Variants in KIDINS220 observed in about 807,000 individuals in gnomAD.
KIDINS220 encodes kinase D-interacting substrate of 220 kDa.
In KIDINS220, 63 loss-of-function variants were observed where a neutral mutation model predicts 157.6. The ratio of observed to expected loss-of-function variants is 0.40; its 90% CI spans 0.33 to 0.49. The LOEUF (loss-of-function observed/expected upper bound fraction) is 0.49, where lower values mean the gene tolerates loss of function less well. Among genes scored for constraint, KIDINS220 ranks in the 20% least tolerant of loss-of-function variants. The pLI is 0.66. For synonymous variants in KIDINS220, 732 were observed against 783.6 expected, an observed-to-expected ratio of 0.93 and a Z score of 1.10; for missense variants, 1,772 against 2,171.2, an observed-to-expected ratio of 0.82 and a Z score of 3.65.
rs563082756 is a variant in KIDINS220 at position 8,730,321 on chromosome 2, G to A, written c.*399C>T. ...TTGCTTCTGCTTCACCTAACGCCAC[G>A]TCTTCCCTCAAATGTGTGGTCACCA... On this transcript the variant is annotated 3_prime_UTR_variant, in exon 30 of 30. Coordinates refer to ENST00000256707, the MANE Select transcript of KIDINS220 (RefSeq NM_020738.4). The A allele has an allele frequency of 1.9e-4, 189 of 1,004,982 alleles. 3 individuals carry two copies. In the South Asian group the frequency reaches 5.7e-3, roughly 30 times the overall value. The allele number at this position is 1,004,982 out of a possible 1,614,324, so 62.3% of individuals were successfully genotyped here. A position where few individuals can be genotyped will look rare whatever the true frequency, so the allele number is the denominator to read the frequency against.
intron 6 of KIDINS220, among the ~76,000 whole-genome samples, chr2:8,811,143 A>C (rs1317164787): frequency 6.6e-6 from 1 of 152,238 alleles, no homozygotes; most frequent in African/African-American, 2.4e-5. Context: ...ATTTATGCAC[A>C]GAATCTATTT....
intron 26 of KIDINS220, among the ~76,000 whole-genome samples, chr2:8,745,267 G>C (rs1420494337): frequency 2.0e-5 from 3 of 152,136 alleles, no homozygotes; most frequent in African/African-American, 7.2e-5. Context: ...GTATGTTAAA[G>C]GCTCTCTGAC....
At chr2:8,827,885 T>C (rs1046349139) in intron 1 of KIDINS220, among the ~76,000 whole-genome samples, 43 of 152,196 alleles carry the variant, frequency 2.8e-4, no homozygotes, top group Non-Finnish European at 2.9e-5. Flanking sequence ...TTAAAGCAGA[T>C]TCCTGGGCCC....
At position 8,770,776 on chromosome 2, in the gene KIDINS220, T is replaced by G. The variant is rs1032147774; in HGVS notation, c.2905A>C (p.Ile969Leu). ...SFNWDRLASW[I>L]NLTEQWPYRT... is the part of the protein sequence containing the mutation. Reference sequence around the variant, plus strand: ...TATGGCCACTGCTCAGTAAGGTTGATCCAGCTAGCAAGCCTGTCCCAGTTG... The same window carrying G: ...TATGGCCACTGCTCAGTAAGGTTGAGCCAGCTAGCAAGCCTGTCCCAGTTG... The change falls in exon 22 of 30, where the codon ATC becomes CTC. Residue 969 changes from isoleucine to leucine, a missense_variant. By Grantham distance (5) the Ile-to-Leu change is conservative. Coordinates refer to ENST00000256707, the MANE Select transcript of KIDINS220 (RefSeq NM_020738.4). 1.9e-6 allele frequency: 3 copies of G among 1,612,884 alleles called. No individual in the cohort carries two copies. The highest frequency in any genetic ancestry group is 2.5e-6 in the Non-Finnish European group (3 of 1,179,254).
chr2:8,756,142 A>C (rs1200331963), intron 22 of KIDINS220, among the ~76,000 whole-genome samples: 3 of 152,194 alleles, frequency 2.0e-5, no homozygotes. Flanking sequence ...GATCTTCTTT[A>C]AATTCTTTTA....
intron 17 of KIDINS220, among the ~76,000 whole-genome samples, chr2:8,781,939 T>C (rs2148224596): frequency 6.6e-6 from 1 of 152,020 alleles, no homozygotes; most frequent in Middle Eastern, 3.4e-3. Context: ...GTGGGGAACA[T>C]GGTGAAACCC....
At chr2:8,791,744 A>G (rs1361545414) in intron 12 of KIDINS220, among the ~76,000 whole-genome samples, 1 of 152,196 alleles carries the variant, frequency 6.6e-6, no homozygotes, top group Non-Finnish European at 1.5e-5. Context: ...CATAATAGAT[A>G]ATAATAGAAA....
At chr2:8,806,699 C>T (rs905590066) in intron 6 of KIDINS220, among the ~76,000 whole-genome samples, 2 of 152,196 alleles carry the variant, frequency 1.3e-5, no homozygotes, top group African/African-American at 4.8e-5. Context: ...CCTGCCTCAG[C>T]CTCCTGAGTA....
At chr2:8,747,095 G>A (rs780318930) in intron 26 of KIDINS220, 50 bp downstream of exon 26, 2 of 1,520,150 alleles carry the variant, frequency 1.3e-6, no homozygotes, top group South Asian at 2.2e-5. Context: ...CATTACTGAG[G>A]CAGAAGCAAT....
intron 10 of KIDINS220, among the ~76,000 whole-genome samples, chr2:8,797,878 A>G (rs946819091): frequency 6.6e-6 from 1 of 152,214 alleles, no homozygotes; most frequent in Non-Finnish European, 1.5e-5. Context: ...ACTCCTGAGC[A>G]CACGCCATCT....
At chr2:8,827,165 T>C (rs1678927611) in intron 1 of KIDINS220, 36 bp from the exon 2 acceptor site, 2 of 785,206 alleles carry the variant, frequency 2.5e-6, no homozygotes, top group Non-Finnish European at 4.0e-6. Context: ...AATTTATAAT[T>C]AGAAAAAATT....
chr2:8,745,233 G>T lies in KIDINS220; in HGVS notation c.3585+1912C>A, dbSNP rs187455724. On this transcript the variant is annotated intron_variant, in intron 26 of 29. Transcript: ENST00000256707. ...CTTTGCTCAGGAATTTTAGCTCAGAGAATTGAATTGCATGCAATAATGTGT... is the reference window on the plus strand; with the variant it reads ...CTTTGCTCAGGAATTTTAGCTCAGATAATTGAATTGCATGCAATAATGTGT... 3.3e-5 allele frequency among the ~76,000 whole-genome samples: 5 copies of T among 152,286 alleles called. No individual in the cohort carries two copies. The East Asian group carries it at 9.6e-4, about 29-fold the overall frequency.
At chr2:8,779,275 G>T in intron 18 of KIDINS220, 136 bp from the exon 19 acceptor site, 1 of 1,126,338 alleles carries the variant, frequency 8.9e-7, no homozygotes, top group Non-Finnish European at 1.2e-6. Flanking sequence ...AACTTACTCT[G>T]CACAAAAGCA....
chr2:8,730,571 C>T lies in KIDINS220; in HGVS notation c.*149G>A. 1 of 1,435,756 alleles carries T rather than the reference C, an allele frequency of 7.0e-7. No homozygotes were observed. The highest frequency in any genetic ancestry group is 9.1e-7 in the Non-Finnish European group (1 of 1,102,268). 88.9% of individuals were successfully genotyped at this position (1,435,756 alleles called of 1,614,324 possible). On this transcript the variant is annotated 3_prime_UTR_variant, in exon 30 of 30. Transcript: ENST00000256707. ...ATGCTTCTCATGCTCCCTTCTGTCA[C>T]ACTGCAGATGTCTCTTTTACCTCGG...
At chr2:8,748,237 A>C (rs554297311) in intron 24 of KIDINS220, among the ~76,000 whole-genome samples, 2 of 152,226 alleles carry the variant, frequency 1.3e-5, no homozygotes, top group Non-Finnish European at 2.9e-5. Flanking sequence ...ATGAGCAACT[A>C]AAGTTTTGCA....
intron 2 of KIDINS220, chr2:8,825,656 A>C (rs762857022): frequency 6.6e-6 from 1 of 152,192 alleles, no homozygotes; most frequent in Non-Finnish European, 1.5e-5. Context: ...GGCAAGAAAT[A>C]TTATACTCTT....
At chr2:8,738,438 G>C (rs1391831087) in intron 26 of KIDINS220, among the ~76,000 whole-genome samples, 1 of 152,154 alleles carries the variant, frequency 6.6e-6, no homozygotes, top group Non-Finnish European at 1.5e-5. Context: ...AACTTTACAG[G>C]CTGAAACCTG....
At chr2:8,820,358 T>A (rs981353880) in intron 2 of KIDINS220, among the ~76,000 whole-genome samples, 1 of 152,214 alleles carries the variant, frequency 6.6e-6, no homozygotes, top group African/African-American at 2.4e-5. Flanking sequence ...ATACCCAGTG[T>A]GAGGGACAGT....
At chr2:8,804,172 T>C (rs942356895) in intron 7 of KIDINS220, among the ~76,000 whole-genome samples, 1 of 152,198 alleles carries the variant, frequency 6.6e-6, no homozygotes, top group African/African-American at 2.4e-5. Flanking sequence ...GGCCTACGCC[T>C]TGAAGGTTTG....
Sources: gnomAD v4.1 joint callset for allele counts (sites outside exome capture counted in the v4.1 genomes callset) on GRCh38, gnomAD v4.1.1 for gene constraint, MANE v1.5 for transcripts, NCBI Gene and HGNC (gene_info 2026-07-23, HGNC 2026-07-21) for gene names.